Variants in PCDHA13 observed in about 807,000 individuals in gnomAD.
The protein encoded by PCDHA13 is protocadherin alpha 13.
Under a neutral mutation model 64.8 loss-of-function variants are expected in PCDHA13, and 54 were observed. The ratio of observed to expected loss-of-function variants is 0.83; its 90% CI spans 0.67 to 1.04. The LOEUF (loss-of-function observed/expected upper bound fraction) is 1.04, where lower values mean the gene tolerates loss of function less well. PCDHA13 is among the 50% of genes least tolerant of loss of function. PCDHA13 has a pLI of 0.00. For missense variants in PCDHA13, 1,248 were observed against 1,254.3 expected, an observed-to-expected ratio of 0.99 and a Z score of 0.08; for synonymous variants, 587 against 564.4, an observed-to-expected ratio of 1.04 and a Z score of -0.57.
rs1305533270 is a variant in PCDHA13, at chr5:141,000,401, A to C, written c.2543-9226A>C. Among the ~76,000 whole-genome samples the C allele has an allele frequency of 8.1e-3, 613 of 75,996 alleles. 4 individuals are homozygous for C. The highest frequency in any genetic ancestry group is 0.017 in the East Asian group (44 of 2,548). The allele number at this position is 75,996 out of a possible 152,430, so 49.9% of individuals were successfully genotyped here. A position where few individuals can be genotyped will look rare whatever the true frequency, so the allele number is the denominator to read the frequency against. On this transcript the variant is annotated intron_variant, in intron 3 of 3. Transcript: ENST00000289272. Reference sequence around the variant, plus strand: ...TCTCTCTCTCTCTCTCTCTCTATATATATATATATATATATATATATTTTT... The same window carrying C: ...TCTCTCTCTCTCTCTCTCTCTATATCTATATATATATATATATATATTTTT...
At chr5:140,967,253 C>T in intron 1 of PCDHA13, 4 of 1,613,546 alleles carry the variant, frequency 2.5e-6, no homozygotes, top group South Asian at 1.1e-5. Context: ...ATCGGTGGCG[C>T]CTGGAGCGCG....
At chr5:140,890,923 C>T (rs535912661) in intron 1 of PCDHA13, among the ~76,000 whole-genome samples, 1 of 152,202 alleles carries the variant, frequency 6.6e-6, no homozygotes, top group East Asian at 1.9e-4. Context: ...TTGAGAGTTT[C>T]CTTTAGTCCA....
chr5:140,917,314 G>A (rs1554197960), intron 1 of PCDHA13, among the ~76,000 whole-genome samples: 1 of 142,492 alleles, frequency 7.0e-6, no homozygotes, highest in African/African-American at 2.6e-5. Context: ...ACAATTTGGT[G>A]TTCATGTGGC....
chr5:141,009,634 G>A lies in PCDHA13; in HGVS notation c.2550G>A (p.Glu850=). The change falls in exon 4 of 4, where the codon GAG becomes GAA. Residue 850 remains glutamate (E), a synonymous_variant. Transcript: ENST00000289272. Reference sequence around the variant, plus strand: ...TAATGTTTTGTCTTTCAGAACCAGAGGCAGGAGAAGTGTCCCCTCCAGTCG... The same window carrying A: ...TAATGTTTTGTCTTTCAGAACCAGAAGCAGGAGAAGTGTCCCCTCCAGTCG... The part of the protein sequence containing the change: ...PTVSSATPEP[E]AGEVSPPVGA... The A allele has an allele frequency of 6.2e-7, 1 of 1,613,116 alleles. No individual in the cohort carries two copies. The highest frequency in any genetic ancestry group is 8.5e-7 in the Non-Finnish European group (1 of 1,179,406).
At chr5:140,907,517 G>C (rs1174112923) in intron 1 of PCDHA13, among the ~76,000 whole-genome samples, 1 of 152,192 alleles carries the variant, frequency 6.6e-6, no homozygotes, top group Non-Finnish European at 1.5e-5. Flanking sequence ...TTCCAGTGAG[G>C]ACAAATCGCT....
intron 3 of PCDHA13, among the ~76,000 whole-genome samples, chr5:140,996,702 T>A (rs2097740306): frequency 6.6e-6 from 1 of 152,174 alleles, no homozygotes; most frequent in African/African-American, 2.4e-5. Context: ...TGAACCTCTA[T>A]CTCTTTGATT....
chr5:140,928,256 C>G (rs1192362928), intron 1 of PCDHA13: 19 of 1,614,116 alleles, frequency 1.2e-5, no homozygotes, highest in Non-Finnish European at 1.5e-5. Flanking sequence ...CTTTTCGTTG[C>G]TGAAAACAAT....
At chr5:140,957,734 T>C (rs559180968) in intron 1 of PCDHA13, among the ~76,000 whole-genome samples, 2 of 152,240 alleles carry the variant, frequency 1.3e-5, no homozygotes, top group Admixed American at 6.5e-5. Flanking sequence ...GAATTATATA[T>C]ACTGACATGA....
At chr5:140,902,203 C>CTTTTTT (rs148688132) in intron 1 of PCDHA13, among the ~76,000 whole-genome samples, 15 of 124,432 alleles carry the variant, frequency 1.2e-4, no homozygotes, top group Non-Finnish European at 2.0e-4. Flanking sequence ...CTCTCTCTTT[C>CTTTTTT]TTTTTTTTTT....
Position 140,882,921 on chromosome 5 carries a change from G to A in PCDHA13, c.653G>A (p.Gly218Asp), listed in dbSNP as rs1554176106. ...TTATTACTGACAGCCAGTGATGGAG[G>A]TAAACCCGAGCTGACTGGCACAGTT... ...HSLLLTASDGGKPELTGTVQL... is the reference protein window; with the variant it reads ...HSLLLTASDGDKPELTGTVQL... Residue 218 changes from glycine to aspartate, a missense_variant, in exon 1 of 4, where the codon GGT (glycine) becomes GAT (aspartate). Coordinates refer to ENST00000289272, the MANE Select transcript of PCDHA13 (RefSeq NM_018904.3). 5.0e-6 allele frequency: 8 copies of A among 1,614,194 alleles called. No individual in the cohort carries two copies. Among genetic ancestry groups the A allele is most frequent in the Non-Finnish European group, 6.8e-6 (8 of 1,180,048 alleles).
chr5:140,997,834 C>T (rs1385482729), intron 3 of PCDHA13, among the ~76,000 whole-genome samples: 2 of 152,106 alleles, frequency 1.3e-5, no homozygotes, highest in Non-Finnish European at 2.9e-5. Context: ...CTAAACAATA[C>T]AATATACATT....
intron 1 of PCDHA13, among the ~76,000 whole-genome samples, chr5:140,931,986 C>G (rs562622204): frequency 2.0e-4 from 30 of 151,912 alleles, no homozygotes; most frequent in African/African-American, 7.0e-4. Flanking sequence ...ATATTTTGCT[C>G]AAATTCTAAG....
chr5:140,895,763 T>C (rs1291731285), intron 1 of PCDHA13, among the ~76,000 whole-genome samples: 2 of 152,170 alleles, frequency 1.3e-5, no homozygotes, highest in East Asian at 1.9e-4. Context: ...TTTTCTTTCT[T>C]TATGGCTGCA....
chr5:140,986,238 A>G (rs1358537911), intron 3 of PCDHA13, among the ~76,000 whole-genome samples: 1 of 152,152 alleles, frequency 6.6e-6, no homozygotes. Context: ...CCTCTGTGTG[A>G]GCAGACCCGG....
Position 140,969,340 on chromosome 5 carries a change from G to A in PCDHA13, c.2395-9609G>A, listed in dbSNP as rs1262555926. 6 of 1,613,738 alleles carry A rather than the reference G, an allele frequency of 3.7e-6. No homozygotes were observed. The African/African-American group carries it at 5.3e-5, about 14-fold the overall frequency. On this transcript the variant is annotated intron_variant, in intron 1 of 3. Coordinates refer to ENST00000289272, the MANE Select transcript of PCDHA13 (RefSeq NM_018904.3). The stretch of plus-strand genomic sequence containing the variant: ...CTGTTTCTCAAAATGAGGTGAGACA[G>A]TGGTCAGGGGGTCTTCTACAAACTC...
intron 1 of PCDHA13, among the ~76,000 whole-genome samples, chr5:140,957,050 A>T (rs246010): frequency 0.56 from 85,650 of 151,948 alleles, 24,767 homozygotes; most frequent in African/African-American, 0.69. Context: ...TATAAAATAA[A>T]TTATAAATGT....
At position 140,882,188 on chromosome 5, in the gene PCDHA13, A is replaced by G. The variant is rs1446435577; in HGVS notation, c.-81A>G. On this transcript the variant is annotated 5_prime_UTR_variant, in exon 1 of 4. Coordinates refer to ENST00000289272, the MANE Select transcript of PCDHA13 (RefSeq NM_018904.3). ...GCGAATCCTTCCGCACTAGGAAGCCATAAAAATTGGGCCTTGAGAGACAGT... is the reference window on the plus strand; with the variant it reads ...GCGAATCCTTCCGCACTAGGAAGCCGTAAAAATTGGGCCTTGAGAGACAGT... The G allele has an allele frequency of 3.9e-6, 6 of 1,519,650 alleles. No homozygotes were observed. The highest frequency in any genetic ancestry group is 1.4e-5 in the African/African-American group (1 of 71,820). The allele number at this position is 1,519,650 out of a possible 1,614,324, so 94.1% of individuals were successfully genotyped here. A position where few individuals can be genotyped will look rare whatever the true frequency, so the allele number is the denominator to read the frequency against.
chr5:140,968,232 G>T, intron 1 of PCDHA13: 2 of 1,613,990 alleles, frequency 1.2e-6, no homozygotes, highest in Non-Finnish European at 1.7e-6. Context: ...GTGTTGCTCT[G>T]TACTGTGCAA....
At chr5:140,976,143 A>G (rs2096703250) in intron 1 of PCDHA13, among the ~76,000 whole-genome samples, 1 of 152,236 alleles carries the variant, frequency 6.6e-6, no homozygotes, top group South Asian at 2.1e-4. Flanking sequence ...GATGAAACTC[A>G]TGTACATTTT....
Sources: gnomAD v4.1 joint callset for allele counts (sites outside exome capture counted in the v4.1 genomes callset) on GRCh38, gnomAD v4.1.1 for gene constraint, MANE v1.5 for transcripts, NCBI Gene and HGNC (gene_info 2026-07-23, HGNC 2026-07-21) for gene names.